Variants in PRELID2 observed in about 807,000 individuals in gnomAD.
PRELID2 encodes the protein PRELI domain containing 2, also known as PRELI domain-containing protein 2.
A neutral mutation model predicts 28.4 loss-of-function variants in PRELID2; 25 were observed. The observed-to-expected ratio is 0.88, with a 90% CI of 0.64 to 1.23. PRELID2 has a LOEUF of 1.23. PRELID2 is among the 50% of genes most tolerant of loss of function. The pLI, the probability that PRELID2 is intolerant of heterozygous loss-of-function variation, is 0.00. For synonymous variants in PRELID2, 76 were observed against 71.6 expected, an observed-to-expected ratio of 1.06 and a Z score of -0.31; for missense variants, 201 against 214.4, an observed-to-expected ratio of 0.94 and a Z score of 0.39.
intron 1 of PRELID2, among the ~76,000 whole-genome samples, chr5:145,735,854 G>A (rs371677775): frequency 4.6e-5 from 7 of 152,324 alleles, no homozygotes; most frequent in African/African-American, 1.4e-4. Flanking sequence ...GCAATTACGT[G>A]TGAACTAAGT....
the PRELID2 span, among the ~76,000 whole-genome samples, chr5:145,347,367 C>A: frequency 2.0e-5 from 3 of 152,138 alleles, no homozygotes; most frequent in Admixed American, 2.0e-4. Flanking sequence ...AAGGGGAATG[C>A]ATCTTTCCAG....
At chr5:145,421,512 T>A in the PRELID2 span, among the ~76,000 whole-genome samples, 57 of 148,942 alleles carry the variant, frequency 3.8e-4, 1 homozygote, top group African/African-American at 1.3e-3. Context: ...TTTTCTAGTT[T>A]ATTTGCATAG....
At chr5:145,817,870 C>T in intron 4 of PRELID2, 24 bp downstream of exon 4, 1 of 1,482,202 alleles carries the variant, frequency 6.7e-7, no homozygotes, top group Non-Finnish European at 8.9e-7. Context: ...CCAAAACACA[C>T]ACACATATAC....
At chr5:145,288,802 T>C in the PRELID2 span, among the ~76,000 whole-genome samples, 1 of 152,144 alleles carries the variant, frequency 6.6e-6, no homozygotes, top group Non-Finnish European at 1.5e-5. Flanking sequence ...TGGATCATTC[T>C]AGACTTTTCT....
At chr5:145,648,808 T>C (rs1754239914) in intron 1 of PRELID2, among the ~76,000 whole-genome samples, 1 of 149,534 alleles carries the variant, frequency 6.7e-6, no homozygotes. Flanking sequence ...TAAATATATA[T>C]AACATAATAT....
chr5:145,327,665 T>G, the PRELID2 span, among the ~76,000 whole-genome samples: 1 of 152,270 alleles, frequency 6.6e-6, no homozygotes, highest in South Asian at 2.1e-4. Context: ...GATTGTTTTA[T>G]AGTTCTTTTC....
At chr5:145,589,183 T>A (rs1189223734) in intron 1 of PRELID2, among the ~76,000 whole-genome samples, 1 of 152,194 alleles carries the variant, frequency 6.6e-6, no homozygotes, top group Non-Finnish European at 1.5e-5. Context: ...TATTTTTGCA[T>A]CATCCTTCCC....
chr5:145,630,934 G>A (rs1753924050), intron 1 of PRELID2, among the ~76,000 whole-genome samples: 1 of 152,166 alleles, frequency 6.6e-6, no homozygotes, highest in Admixed American at 6.5e-5. Flanking sequence ...TTCATTAGAT[G>A]TTCTGCCACT....
chr5:145,234,111 C>T, the PRELID2 span, among the ~76,000 whole-genome samples: 25 of 152,110 alleles, frequency 1.6e-4, no homozygotes, highest in Non-Finnish European at 2.9e-4. Flanking sequence ...ATATAAGTTA[C>T]CAATAATTTT....
the PRELID2 span, among the ~76,000 whole-genome samples, chr5:145,319,973 A>C: frequency 1.6e-3 from 238 of 152,318 alleles, 5 homozygotes; most frequent in East Asian, 0.039. Context: ...CAATTTAATA[A>C]ACTCAGTTCA....
At chr5:145,796,129 T>C (rs952238430) in intron 5 of PRELID2, 3 of 180,190 alleles carry the variant, frequency 1.7e-5, no homozygotes, top group African/African-American at 7.1e-5. Context: ...ATTATCTTTA[T>C]TAAATAGTTG....
chr5:145,521,804 C>A (rs1264673711), intron 1 of PRELID2, among the ~76,000 whole-genome samples: 1 of 152,154 alleles, frequency 6.6e-6, no homozygotes, highest in African/African-American at 2.4e-5. Flanking sequence ...AATGCCAACA[C>A]CAGATCAATC....
chr5:145,229,981 C>A, the PRELID2 span: 1 of 738,382 alleles, frequency 1.4e-6, no homozygotes, highest in Non-Finnish European at 2.5e-6. Flanking sequence ...ATTGATGACA[C>A]CGGGTTCATC....
At chr5:145,238,963 CTCTATCTA>C in the PRELID2 span, among the ~76,000 whole-genome samples, 16 of 151,946 alleles carry the variant, frequency 1.1e-4, no homozygotes, top group African/African-American at 3.4e-4. Context: ...ATCTATCTGT[CTCTATCTA>C]TCTATCTATC....
At chr5:145,400,921 C>T in the PRELID2 span, among the ~76,000 whole-genome samples, 2 of 152,012 alleles carry the variant, frequency 1.3e-5, no homozygotes, top group Non-Finnish European at 2.9e-5. Flanking sequence ...GCCATTTTTC[C>T]CAATAATAGG....
chr5:145,447,117 C>T, the PRELID2 span, among the ~76,000 whole-genome samples: 3 of 150,048 alleles, frequency 2.0e-5, no homozygotes, highest in African/African-American at 4.9e-5. Context: ...TCAGAGACCA[C>T]ATTTTTTGAT....
At chr5:145,297,116 C>T in the PRELID2 span, among the ~76,000 whole-genome samples, 18 of 151,964 alleles carry the variant, frequency 1.2e-4, no homozygotes, top group African/African-American at 1.7e-4. Flanking sequence ...GAGTAGGTTG[C>T]GAAAATTTTC....
chr5:145,313,057 CCAAATAGCCAAGTGAATCTTTAG>C, the PRELID2 span, among the ~76,000 whole-genome samples: 6 of 151,948 alleles, frequency 3.9e-5, no homozygotes, highest in Admixed American at 6.6e-5. Flanking sequence ...CCCCAAAAAA[CCAAATAGCCAAGTGAATCTTTAG>C]CAATTCTGCA....
chr5:145,344,184 A>C, the PRELID2 span, among the ~76,000 whole-genome samples: 6,586 of 152,082 alleles, frequency 0.043, 494 homozygotes, highest in African/African-American at 0.15. Context: ...TTATACCAGA[A>C]TAAGACAAGG....
Sources: gnomAD v4.1 joint callset for allele counts (sites outside exome capture counted in the v4.1 genomes callset) on GRCh38, gnomAD v4.1.1 for gene constraint, MANE v1.5 for transcripts, NCBI Gene and HGNC (gene_info 2026-07-23, HGNC 2026-07-21) for gene names.